Variants in MGMT observed in about 807,000 individuals in gnomAD.
The protein encoded by MGMT is O-6-methylguanine-DNA methyltransferase, also known as methylated-DNA--protein-cysteine methyltransferase.
A neutral mutation model predicts 15.9 loss-of-function variants in MGMT; 14 were observed. The observed-to-expected ratio is 0.88, with a 90% confidence interval of 0.58 to 1.37. The LOEUF (loss-of-function observed/expected upper bound fraction) is 1.37. MGMT is among the 40% of genes most tolerant of loss of function. The pLI is 0.00. For synonymous variants in MGMT, 130 were observed against 118.2 expected (o/e 1.10, Z -0.65); for missense variants, 282 against 268.1 (o/e 1.05, Z -0.36).
At chr10:129,663,620 A>G (rs1374388790) in intron 2 of MGMT, among the ~76,000 whole-genome samples, 1 of 152,190 alleles carries the variant, frequency 6.6e-6, no homozygotes, top group Non-Finnish European at 1.5e-5. Context: ...AAACACAAAT[A>G]TATAAAATGA....
At position 129,674,970 on chromosome 10, in the gene MGMT, G is replaced by A. The variant is rs1379431885; in HGVS notation, c.126-32925G>A. 2.0e-5 allele frequency among the ~76,000 whole-genome samples: 3 copies of A among 152,210 alleles called. No homozygotes were observed. In the East Asian group the frequency reaches 5.8e-4, roughly 29 times the overall value. On this transcript the variant is annotated intron_variant, in intron 2 of 4. Coordinates refer to ENST00000651593, the MANE Select transcript of MGMT (RefSeq NM_002412.5). ...GAGGCACTGCCCAGGAGAAGTATGA[G>A]GCATCGTGGGAGCATTTATCAGAGT...
chr10:129,762,180 G>A (rs1327943018), intron 4 of MGMT, among the ~76,000 whole-genome samples: 3 of 152,280 alleles, frequency 2.0e-5, no homozygotes, highest in Middle Eastern at 3.4e-3. Flanking sequence ...CAGCCCAGAC[G>A]GTGCGTCGCT....
chr10:129,759,293 C>G lies in MGMT; in HGVS notation c.366C>G (p.Gly122=). Residue 122 remains glycine (G), a synonymous_variant, in exon 4 of 5, where the codon GGC becomes GGG. Transcript: ENST00000651593. ...ISYQQLAALA[G]NPKAARAVGG... ...ACCAGCAATTAGCAGCCCTGGCAGG[C>G]AACCCCAAAGCCGCGCGAGCAGTGG... 6.2e-7 allele frequency: 1 copy of G among 1,614,214 alleles called. No homozygotes were observed. Among genetic ancestry groups the G allele is most frequent in the Non-Finnish European group, 8.5e-7 (1 of 1,180,044 alleles).
intron 2 of MGMT, among the ~76,000 whole-genome samples, chr10:129,647,951 T>C (rs910586567): frequency 2.0e-5 from 3 of 152,242 alleles, no homozygotes; most frequent in African/African-American, 7.2e-5. Flanking sequence ...TTAATTGTAA[T>C]TTAAATGCCC....
chr10:129,697,468 T>C (rs971573144), intron 2 of MGMT, among the ~76,000 whole-genome samples: 2 of 148,790 alleles, frequency 1.3e-5, no homozygotes, highest in Non-Finnish European at 2.9e-5. Context: ...GGTAAGTTGT[T>C]ATTACATAAC....
At chr10:129,696,755 G>A (rs1848037263) in intron 2 of MGMT, among the ~76,000 whole-genome samples, 1 of 152,234 alleles carries the variant, frequency 6.6e-6, no homozygotes, top group Admixed American at 6.5e-5. Flanking sequence ...CCAGCCCCAG[G>A]ATGGTGCCTG....
chr10:129,706,070 C>G (rs1034277910), intron 2 of MGMT, among the ~76,000 whole-genome samples: 1 of 152,230 alleles, frequency 6.6e-6, no homozygotes, highest in African/African-American at 2.4e-5. Context: ...CCTTCTGCCT[C>G]TTGCCAGGGG....
intron 1 of MGMT, among the ~76,000 whole-genome samples, chr10:129,476,455 G>C (rs1564829031): frequency 6.6e-6 from 1 of 152,180 alleles, no homozygotes; most frequent in South Asian, 2.1e-4. Context: ...TCTTGGAAAG[G>C]TAGAAGGCTC....
intron 2 of MGMT, among the ~76,000 whole-genome samples, chr10:129,656,436 A>T (rs7098095): frequency 0.085 from 12,969 of 152,250 alleles, 804 homozygotes; most frequent in East Asian, 0.31. Flanking sequence ...TGGAAGCAGC[A>T]TCGGCATGTC....
At position 129,603,011 on chromosome 10, in the gene MGMT, AT is replaced by A. The variant is rs1308513862; in HGVS notation, c.125+66635del. Among the ~76,000 whole-genome samples, 3 of 152,220 alleles carry A rather than the reference AT, an allele frequency of 2.0e-5. No individual in the cohort carries two copies. In the East Asian group the frequency reaches 5.8e-4, roughly 29 times the overall value. On this transcript the variant is annotated intron_variant, in intron 2 of 4. Transcript: ENST00000651593. ...AATCTTCAGGCAACTATACGAACCT[AT>A]GTCACAGTCTCTCCCAAAATTTATT...
chr10:129,740,099 C>G (rs1848613741), intron 3 of MGMT, among the ~76,000 whole-genome samples: 1 of 152,196 alleles, frequency 6.6e-6, no homozygotes, highest in Admixed American at 6.5e-5. Flanking sequence ...TTAGCAGAGC[C>G]AAGAATCAGT....
At chr10:129,510,971 G>C (rs1411985879) in intron 1 of MGMT, among the ~76,000 whole-genome samples, 1 of 148,450 alleles carries the variant, frequency 6.7e-6, no homozygotes, top group East Asian at 2.0e-4. Flanking sequence ...CGTGCTTTCC[G>C]TGATGAGAAC....
At chr10:129,614,803 G>A (rs73386991) in intron 2 of MGMT, among the ~76,000 whole-genome samples, 1 of 151,998 alleles carries the variant, frequency 6.6e-6, no homozygotes, top group Non-Finnish European at 1.5e-5. Context: ...GGTGTTCAAT[G>A]CATTTAAATT....
intron 1 of MGMT, among the ~76,000 whole-genome samples, chr10:129,505,146 A>G (rs1264652051): frequency 6.6e-6 from 1 of 152,184 alleles, no homozygotes; most frequent in Non-Finnish European, 1.5e-5. Flanking sequence ...CAGGAAAAAT[A>G]TAACTAGTAG....
intron 1 of MGMT, among the ~76,000 whole-genome samples, chr10:129,482,250 C>T (rs2087349489): frequency 2.0e-5 from 3 of 152,138 alleles, no homozygotes; most frequent in South Asian, 4.1e-4. Context: ...TGTTATTGAT[C>T]TGCAGGGGTG....
chr10:129,682,173 C>G (rs1463216024), intron 2 of MGMT, among the ~76,000 whole-genome samples: 1 of 152,014 alleles, frequency 6.6e-6, no homozygotes, highest in Non-Finnish European at 1.5e-5. Flanking sequence ...AACTTATGTC[C>G]ACACAAAAAC....
At chr10:129,667,560 A>G (rs1005972712) in intron 2 of MGMT, among the ~76,000 whole-genome samples, 2 of 152,144 alleles carry the variant, frequency 1.3e-5, no homozygotes, top group Non-Finnish European at 1.5e-5. Flanking sequence ...AATTTTCATT[A>G]CTAATGATGC....
chr10:129,586,088 C>A (rs1238130016), intron 2 of MGMT, among the ~76,000 whole-genome samples: 1 of 152,130 alleles, frequency 6.6e-6, no homozygotes, highest in Non-Finnish European at 1.5e-5. Context: ...GAGATTTCAT[C>A]CCACTACTCA....
intron 2 of MGMT, among the ~76,000 whole-genome samples, chr10:129,641,534 C>T (rs1411378040): frequency 6.6e-6 from 1 of 152,162 alleles, no homozygotes; most frequent in Non-Finnish European, 1.5e-5. Context: ...CATATAATTC[C>T]TTCAAGAATG....
Sources: gnomAD v4.1 joint callset for allele counts (sites outside exome capture counted in the v4.1 genomes callset) on GRCh38, gnomAD v4.1.1 for gene constraint, MANE v1.5 for transcripts, NCBI Gene and HGNC (gene_info 2026-07-23, HGNC 2026-07-21) for gene names.